NT5DC3: variants seen among roughly 807,000 people sequenced by gnomAD.
NT5DC3 encodes 5'-nucleotidase domain-containing protein 3.
A neutral mutation model predicts 67.8 loss-of-function variants in NT5DC3; 42 were observed. That is an observed-to-expected ratio of 0.62 (90% CI 0.48 to 0.80). The LOEUF (loss-of-function observed/expected upper bound fraction) is 0.80. Ranked by LOEUF, NT5DC3 falls within the 30% of genes least tolerant of loss-of-function variation. NT5DC3 has a pLI of 0.00. For synonymous variants in NT5DC3, 237 were observed against 255.6 expected (o/e 0.93, Z 0.69); for missense variants, 570 against 696.4 (o/e 0.82, Z 2.04).
the NT5DC3 span, chr12:103,763,636 G>C: frequency 6.3e-7 from 1 of 1,586,456 alleles, no homozygotes; most frequent in Non-Finnish European, 8.6e-7. Context: ...TCTAGGAATA[G>C]GTTCCCTTGG....
At position 103,841,051 on chromosome 12, in the gene NT5DC3, A is replaced by G; in HGVS notation, c.106T>C (p.Cys36Arg). ...CACAAGGGCCGGGCGGGGCCCGCAC[A>G]CGGCCGCCCCCGAGCCGCGGTCCCG... Reference protein sequence around the residue: ...GCGTAARGRPCAGPARPLCTA... With the variant: ...GCGTAARGRPRAGPARPLCTA... The change falls in exon 1 of 14, where the codon TGT becomes CGT. Residue 36 changes from cysteine to arginine, a missense_variant. Physicochemically the swap from Cys to Arg is radical, Grantham distance 180 (BLOSUM62 -3). Coordinates refer to ENST00000392876, the MANE Select transcript of NT5DC3 (RefSeq NM_001031701.3). 7.9e-7 allele frequency: 1 copy of G among 1,260,508 alleles called. No homozygotes were observed. Among genetic ancestry groups the G allele is most frequent in the Non-Finnish European group, 9.9e-7 (1 of 1,005,744 alleles). 78.1% of individuals were successfully genotyped at this position (1,260,508 alleles called of 1,614,324 possible).
chr12:103,765,947 G>A (rs970991087), downstream of NT5DC3: 3 of 397,006 alleles, frequency 7.6e-6, no homozygotes, highest in Middle Eastern at 4.0e-4. Context: ...GCCACCTTTT[G>A]TGAGGTGCTT....
the NT5DC3 span, chr12:103,763,763 T>A: frequency 1.5e-6 from 1 of 675,768 alleles, no homozygotes; most frequent in Non-Finnish European, 2.5e-6. Flanking sequence ...GCAAGCTGAC[T>A]GAAGCCAGTG....
chr12:103,759,385 C>A, the NT5DC3 span: 1 of 1,434,806 alleles, frequency 7.0e-7, no homozygotes. Flanking sequence ...AAACTCTAAA[C>A]CTGCAGATAG....
intron 1 of NT5DC3, among the ~76,000 whole-genome samples, 164 bp downstream of exon 1, chr12:103,840,785 G>A (rs1374668942): frequency 2.6e-5 from 4 of 152,162 alleles, no homozygotes; most frequent in Non-Finnish European, 5.9e-5. Flanking sequence ...GAGTCGCTCC[G>A]CAGGAGCGAT....
At chr12:103,760,709 T>C in the NT5DC3 span, among the ~76,000 whole-genome samples, 1 of 152,210 alleles carries the variant, frequency 6.6e-6, no homozygotes, top group Non-Finnish European at 1.5e-5. Context: ...CAGAGAGTAG[T>C]GCCTGACAGG....
chr12:103,826,228 G>T (rs1278586127), intron 1 of NT5DC3, among the ~76,000 whole-genome samples: 1 of 152,200 alleles, frequency 6.6e-6, no homozygotes, highest in East Asian at 1.9e-4. Context: ...GTAAGATGTG[G>T]CAGACAGAAT....
chr12:103,817,238 G>A (rs1298326570), intron 1 of NT5DC3, among the ~76,000 whole-genome samples: 4 of 152,040 alleles, frequency 2.6e-5, no homozygotes, highest in Admixed American at 2.0e-4. Flanking sequence ...CTGAGCAATA[G>A]ATTTCAAAAG....
chr12:103,746,989 G>T, the NT5DC3 span, among the ~76,000 whole-genome samples: 2 of 122,334 alleles, frequency 1.6e-5, no homozygotes, highest in Non-Finnish European at 3.2e-5. Flanking sequence ...GGACTTTCAC[G>T]CTTGTTGCCC....
chr12:103,764,573 A>G, the NT5DC3 span, among the ~76,000 whole-genome samples: 1 of 152,220 alleles, frequency 6.6e-6, no homozygotes, highest in Admixed American at 6.5e-5. Flanking sequence ...ACATAGGAAT[A>G]GAACTTAATT....
At chr12:103,753,306 G>A in the NT5DC3 span, 51 of 1,614,132 alleles carry the variant, frequency 3.2e-5, no homozygotes, top group Admixed American at 3.8e-4. Context: ...CTGTGCCAAC[G>A]AAGCTGCGAC....
intron 1 of NT5DC3, chr12:103,819,555 C>G (rs1887404944): frequency 6.6e-6 from 1 of 152,192 alleles, no homozygotes; most frequent in Non-Finnish European, 1.5e-5. Context: ...ACAGCTTGAG[C>G]AAAACTCAGT....
At position 103,797,225 on chromosome 12, in the gene NT5DC3, T is replaced by A. The variant is rs148885321; in HGVS notation, c.616-194A>T. ...TGGCTCAAGCCTGTAATCCCAGCACTTTGGGAGGCCAAGGCAGGTGGATCA... is the reference window on the plus strand; with the variant it reads ...TGGCTCAAGCCTGTAATCCCAGCACATTGGGAGGCCAAGGCAGGTGGATCA... On this transcript the variant is annotated intron_variant, in intron 5 of 13. Transcript: ENST00000392876. 4.0e-3 allele frequency among the ~76,000 whole-genome samples: 612 copies of A among 152,262 alleles called. 3 individuals carry two copies. Among genetic ancestry groups the A allele is most frequent in the South Asian group, 0.012 (59 of 4,812 alleles).
In NT5DC3 at chr12:103,828,192, CAA is replaced by C. The variant is rs374015126; in HGVS notation, c.208+12755_208+12756del. ...AGCGACTATCATATGGAAGGGGAAT[CAA>C]AAGTACTCTCTGTGACTCAGCCATC... On this transcript the variant is annotated intron_variant, in intron 1 of 13. Coordinates refer to ENST00000392876, the MANE Select transcript of NT5DC3 (RefSeq NM_001031701.3). Among the ~76,000 whole-genome samples, 75 of 152,338 alleles carry C rather than the reference CAA, an allele frequency of 4.9e-4. 1 individual carries two copies. The East Asian group carries it at 0.012, about 23-fold the overall frequency.
Position 103,841,191 on chromosome 12 carries a change from G to A in NT5DC3, c.-35C>T. On this transcript the variant is annotated 5_prime_UTR_variant, in exon 1 of 14. Transcript: ENST00000392876. ...CTGCTGCCGCCACCGCCGCCGCGCC[G>A]CTCTGCGACTGCTGCTGCCCGGCCC... 1 of 593,688 alleles carries A rather than the reference G, an allele frequency of 1.7e-6. No homozygotes were observed. The highest frequency in any genetic ancestry group is 2.9e-6 in the Non-Finnish European group (1 of 350,820). 36.8% of individuals were successfully genotyped at this position (593,688 alleles called of 1,614,324 possible). A position where few individuals can be genotyped will look rare whatever the true frequency, so the allele number is the denominator to read the frequency against.
the NT5DC3 span, chr12:103,753,250 C>T: frequency 3.1e-6 from 5 of 1,614,072 alleles, no homozygotes; most frequent in East Asian, 4.5e-5. Context: ...CATCTACGCT[C>T]CCCACTGGGC....
In NT5DC3 at chr12:103,806,871, T is replaced by G. The variant is rs915792202; in HGVS notation, c.452A>C (p.His151Pro). 1.2e-6 allele frequency: 2 copies of G among 1,602,866 alleles called. No homozygotes were observed. The highest frequency in any genetic ancestry group is 1.7e-5 in the Admixed American group (1 of 59,980). Residue 151 changes from histidine to proline, a missense_variant, in exon 3 of 14, where the codon CAT becomes CCT. Physicochemically the swap from His to Pro is moderately conservative, Grantham distance 77 (BLOSUM62 -2). This residue lies in a region of NT5DC3 where 466 missense variants were observed against 608.0 expected (regional missense o/e 0.77). Transcript: ENST00000392876. ...YDPNFAIRGLHYDVQRAVLMK... is the reference protein window; with the variant it reads ...YDPNFAIRGLPYDVQRAVLMK... Reference sequence around the variant, plus strand: ...TAAACCTACCCGCTGTACATCATAATGAAGTCCACGAATTGCAAAATTTGG... The same window carrying G: ...TAAACCTACCCGCTGTACATCATAAGGAAGTCCACGAATTGCAAAATTTGG...
chr12:103,767,593 A>G (rs1272915134), downstream of NT5DC3, among the ~76,000 whole-genome samples: 1 of 152,194 alleles, frequency 6.6e-6, no homozygotes, highest in African/African-American at 2.4e-5. Flanking sequence ...ACTAAATAAT[A>G]CATCATCTTT....
At chr12:103,797,544 G>A (rs911887230) in intron 5 of NT5DC3, among the ~76,000 whole-genome samples, 26 of 151,388 alleles carry the variant, frequency 1.7e-4, no homozygotes, top group African/African-American at 5.8e-4. Flanking sequence ...CTCACTCTAA[G>A]TATAACTAGG....
Sources: allele counts gnomAD v4.1 joint callset (sites outside exome capture counted in the v4.1 genomes callset), GRCh38; gene constraint gnomAD v4.1.1; regional missense constraint gnomAD v4.1.1; transcripts MANE v1.5; gene names NCBI Gene and HGNC (gene_info 2026-07-23, HGNC 2026-07-21).